CPSF6: variants seen among roughly 807,000 people sequenced by gnomAD.
CPSF6 encodes the protein cleavage and polyadenylation specific factor 6, also known as cleavage and polyadenylation specificity factor subunit 6.
Under a neutral mutation model 56.7 loss-of-function variants are expected in CPSF6, and 10 were observed. The ratio of observed to expected loss-of-function variants is 0.18; its 90% CI spans 0.11 to 0.30. The LOEUF (loss-of-function observed/expected upper bound fraction) is 0.30, where lower values mean the gene tolerates loss of function less well. Ranked by LOEUF, CPSF6 falls within the 10% of genes least tolerant of loss-of-function variation. The probability of loss-of-function intolerance (pLI) is 1.00; values close to 1 mark genes in which losing one functional copy is unlikely to be tolerated. For synonymous variants in CPSF6, 248 were observed against 244.8 expected (o/e 1.01, Z -0.12); for missense variants, 419 against 722.9 (o/e 0.58, Z 4.82).
At chr12:69,257,602 T>A in intron 4 of CPSF6, 130 bp from the exon 5 acceptor site, 3 of 764,292 alleles carry the variant, frequency 3.9e-6, no homozygotes, top group East Asian at 5.8e-5. Context: ...TACTTTCTTA[T>A]GTAGTTTGCA....
At chr12:69,261,997 T>C (rs1045528510) in intron 8 of CPSF6, among the ~76,000 whole-genome samples, 3 of 152,192 alleles carry the variant, frequency 2.0e-5, no homozygotes, top group African/African-American at 4.8e-5. Flanking sequence ...TTCATGACTT[T>C]TATATCTAAA....
chr12:69,266,931 A>G (rs1873017725), intron 9 of CPSF6, among the ~76,000 whole-genome samples: 1 of 152,122 alleles, frequency 6.6e-6, no homozygotes, highest in Non-Finnish European at 1.5e-5. Context: ...TCTTGTAAAT[A>G]TCTACAATAA....
At position 69,253,110 on chromosome 12, in the gene CPSF6, G is replaced by T; in HGVS notation, c.330G>T (p.Leu110Phe). Residue 110 changes from leucine to phenylalanine, a missense_variant, in exon 3 of 10, where the codon TTG becomes TTT. Physicochemically the swap from Leu to Phe is conservative, Grantham distance 22. Coordinates refer to ENST00000435070, the MANE Select transcript of CPSF6 (RefSeq NM_007007.3). ...AVHSLGVNDI[L>F]EIKFFENRAN... is the part of the protein sequence containing the mutation. ...ATTCTTTGGGAGTAAATGATATTTT[G>T]GAGATAAAATTTTTTGAAAATCGGG... The T allele has an allele frequency of 6.2e-7, 1 of 1,600,634 alleles. No homozygotes were observed. The highest frequency in any genetic ancestry group is 8.5e-7 in the Non-Finnish European group (1 of 1,174,214).
chr12:69,274,134 C>T lies in CPSF6; in HGVS notation c.*4626C>T, dbSNP rs1032458566. The T allele has an allele frequency of 3.1e-5, 3 of 97,052 alleles. No homozygotes were observed. The highest frequency in any genetic ancestry group is 8.9e-5 in the African/African-American group (2 of 22,432). The allele number at this position is 97,052 out of a possible 1,614,324, so 6.0% of individuals were successfully genotyped here. On this transcript the variant is annotated 3_prime_UTR_variant, in exon 10 of 10. Transcript: ENST00000435070. ...CTTTTTTTTTTTTTTTTTTGCTGTC[C>T]ATGAGAATTAGACTTCATATTAGCT...
chr12:69,247,910 A>C (rs1272385693), intron 1 of CPSF6, among the ~76,000 whole-genome samples: 3 of 152,322 alleles, frequency 2.0e-5, no homozygotes, highest in Admixed American at 6.5e-5. Flanking sequence ...AATGTATACC[A>C]TTGGGGCTAA....
chr12:69,259,383 G>A, intron 6 of CPSF6, 45 bp from the exon 7 acceptor site: 1 of 1,588,432 alleles, frequency 6.3e-7, no homozygotes, highest in Non-Finnish European at 8.6e-7. Flanking sequence ...ACTAACTGAG[G>A]AAATCTGTTG....
chr12:69,262,588 A>T lies in CPSF6; in HGVS notation c.*3+26A>T, dbSNP rs576624785. ...GTGGGTATTCCTTGTTCCCTGTTAA[A>T]TGTGTGTGTATTCTTAACAGTAACT... On this transcript the variant is annotated intron_variant, in intron 9 of 9. Coordinates refer to ENST00000435070, the MANE Select transcript of CPSF6 (RefSeq NM_007007.3). 87 of 1,583,522 alleles carry T rather than the reference A, an allele frequency of 5.5e-5. No individual in the cohort carries two copies. The South Asian group carries it at 9.3e-4, about 17-fold the overall frequency.
intron 9 of CPSF6, among the ~76,000 whole-genome samples, chr12:69,265,606 T>C (rs1872940498): frequency 1.3e-5 from 2 of 148,960 alleles, no homozygotes; most frequent in South Asian, 4.3e-4. Context: ...TACTTTTTTT[T>C]TTTTTTTTTT....
At position 69,254,631 on chromosome 12, in the gene CPSF6, G is replaced by A. The variant is rs146708504; in HGVS notation, c.374+1477G>A. Among the ~76,000 whole-genome samples the A allele has an allele frequency of 3.4e-3, 517 of 152,240 alleles. 2 individuals are homozygous for A. The highest frequency in any genetic ancestry group is 0.011 in the African/African-American group (476 of 41,526). On this transcript the variant is annotated intron_variant, in intron 3 of 9. Transcript: ENST00000435070. ...CTCCAGCTCTAGAATGGTACCTTGC[G>A]TATAAGAAGTGGTGCTTAATAAATA...
intron 9 of CPSF6, among the ~76,000 whole-genome samples, chr12:69,265,476 C>T (rs1565650998): frequency 6.6e-6 from 1 of 151,896 alleles, no homozygotes; most frequent in Non-Finnish European, 1.5e-5. Context: ...TTAAAATACT[C>T]TTTATTCAGG....
chr12:69,252,165 C>A (rs965677585), intron 2 of CPSF6: 2 of 448,926 alleles, frequency 4.5e-6, no homozygotes, highest in Non-Finnish European at 8.9e-6. Flanking sequence ...GCCTCAAACT[C>A]CTGGGCTGAA....
At chr12:69,267,633 G>T (rs1219704949) in intron 9 of CPSF6, among the ~76,000 whole-genome samples, 1 of 151,788 alleles carries the variant, frequency 6.6e-6, no homozygotes, top group Non-Finnish European at 1.5e-5. Context: ...ATTGGAAATG[G>T]GTTGTATTGC....
intron 1 of CPSF6, among the ~76,000 whole-genome samples, chr12:69,246,903 A>G (rs1310024940): frequency 6.6e-6 from 1 of 152,104 alleles, no homozygotes; most frequent in Admixed American, 6.5e-5. Flanking sequence ...GGCTCAAGGG[A>G]TCCTCTTGCC....
rs1325302464 is a variant in CPSF6 at position 69,239,594 on chromosome 12, C to T, written c.-53C>T. ...GCTAGATCCGCTGCTGCTGCCGCGG[C>T]GGGCAGACCTGCAGGAGGCGGCGGC... On this transcript the variant is annotated 5_prime_UTR_variant, in exon 1 of 10. Coordinates refer to ENST00000435070, the MANE Select transcript of CPSF6 (RefSeq NM_007007.3). 3.3e-6 allele frequency: 5 copies of T among 1,518,668 alleles called. No homozygotes were observed. The highest frequency in any genetic ancestry group is 4.4e-6 in the Non-Finnish European group (5 of 1,134,744). The allele number at this position is 1,518,668 out of a possible 1,614,324, so 94.1% of individuals were successfully genotyped here. A position where few individuals can be genotyped will look rare whatever the true frequency, so the allele number is the denominator to read the frequency against.
rs922626299 is a variant in CPSF6 at position 69,271,283 on chromosome 12, T to C, written c.*1775T>C. On this transcript the variant is annotated 3_prime_UTR_variant, in exon 10 of 10. Transcript: ENST00000435070. ...TAGAGTTGTATCAAAATTTTCCTGT[T>C]TTCTGTATATTGTTGTGTCATTTCT... is the stretch of plus-strand genomic sequence containing the variant. 1 of 152,146 alleles carries C rather than the reference T, an allele frequency of 6.6e-6. No individual in the cohort carries two copies. The highest frequency in any genetic ancestry group is 1.5e-5 in the Non-Finnish European group (1 of 67,672). The allele number at this position is 152,146 out of a possible 1,614,324, so 9.4% of individuals were successfully genotyped here.
intron 1 of CPSF6, among the ~76,000 whole-genome samples, chr12:69,245,521 A>G (rs768164780): frequency 6.6e-6 from 1 of 152,216 alleles, no homozygotes; most frequent in Non-Finnish European, 1.5e-5. Context: ...TATCCCTCTC[A>G]GATAAGAGGG....
Position 69,259,108 on chromosome 12 carries a change from T to A in CPSF6, c.1199+14T>A. ...CCCCCCTGGAAGGTAAGTTAGTGTG[T>A]ATCTGTGAAAGTACTTGATGATAAA... On this transcript the variant is annotated intron_variant, in intron 6 of 9. Transcript: ENST00000435070. 6.3e-7 allele frequency: 1 copy of A among 1,589,098 alleles called. No individual in the cohort carries two copies. Among genetic ancestry groups the A allele is most frequent in the South Asian group, 1.1e-5 (1 of 89,878 alleles).
chr12:69,265,349 A>T (rs1331567405), intron 9 of CPSF6, among the ~76,000 whole-genome samples: 1 of 152,186 alleles, frequency 6.6e-6, no homozygotes, highest in East Asian at 1.9e-4. Context: ...TTAGTTTCAT[A>T]GTTGAGTTAC....
intron 1 of CPSF6, among the ~76,000 whole-genome samples, chr12:69,248,621 A>G (rs1221393511): frequency 1.3e-5 from 2 of 152,218 alleles, no homozygotes; most frequent in African/African-American, 2.4e-5. Context: ...TTGTTTAACA[A>G]AAACTCATTT....
Sources: gnomAD v4.1 joint callset for allele counts (sites outside exome capture counted in the v4.1 genomes callset) on GRCh38, gnomAD v4.1.1 for gene constraint, MANE v1.5 for transcripts, NCBI Gene and HGNC (gene_info 2026-07-23, HGNC 2026-07-21) for gene names.